The following NDUFAF2 variants were observed in gnomAD, a reference collection of about 807,000 sequenced individuals.
NDUFAF2 encodes the protein NADH dehydrogenase [ubiquinone] 1 alpha subcomplex assembly factor 2.
Under a neutral mutation model 22.8 loss-of-function variants are expected in NDUFAF2, and 13 were observed. The observed-to-expected ratio is 0.57, with a 90% confidence interval of 0.37 to 0.91. The LOEUF is 0.91. Ranked by LOEUF, NDUFAF2 falls within the 40% of genes least tolerant of loss-of-function variation. The pLI is 0.01. For missense variants in NDUFAF2, 162 were observed against 195.2 expected (o/e 0.83, Z 1.01); for synonymous variants, 53 against 64.2 (o/e 0.83, Z 0.84).
chr5:61,062,369 T>G (rs570138777), intron 1 of NDUFAF2, among the ~76,000 whole-genome samples: 2 of 152,102 alleles, frequency 1.3e-5, no homozygotes, highest in South Asian at 4.1e-4. Context: ...ATCATAAAAA[T>G]GAACAAAACA....
intron 1 of NDUFAF2, among the ~76,000 whole-genome samples, chr5:61,061,347 T>C (rs1442681056): frequency 1.3e-5 from 2 of 152,122 alleles, no homozygotes; most frequent in East Asian, 3.9e-4. Flanking sequence ...CTTTTATCGC[T>C]CCAATTTTTA....
intron 3 of NDUFAF2, among the ~76,000 whole-genome samples, chr5:61,149,046 C>T (rs1305725481): frequency 6.6e-6 from 1 of 152,192 alleles, no homozygotes; most frequent in African/African-American, 2.4e-5. Context: ...TCTCAGCTCA[C>T]TGCAACCTCC....
intron 1 of NDUFAF2, among the ~76,000 whole-genome samples, chr5:61,052,392 G>T (rs1196596478): frequency 6.6e-6 from 1 of 152,092 alleles, no homozygotes; most frequent in Non-Finnish European, 1.5e-5. Context: ...CTTACTGCAA[G>T]CTCCGCCTCC....
intron 3 of NDUFAF2, among the ~76,000 whole-genome samples, chr5:61,151,884 A>G (rs771655952): frequency 6.6e-6 from 1 of 152,220 alleles, no homozygotes; most frequent in Non-Finnish European, 1.5e-5. Context: ...ACTGTATTGC[A>G]TTTATTTTTA....
intron 1 of NDUFAF2, among the ~76,000 whole-genome samples, chr5:60,969,464 C>T (rs1045163515): frequency 7.2e-5 from 11 of 151,954 alleles, no homozygotes; most frequent in East Asian, 1.9e-4. Context: ...TGATGATGAA[C>T]GATGTTGTGC....
intron 2 of NDUFAF2, among the ~76,000 whole-genome samples, chr5:61,081,447 CA>C (rs950659167): frequency 6.6e-6 from 1 of 152,046 alleles, no homozygotes; most frequent in African/African-American, 2.4e-5. Context: ...AGGGATACAA[CA>C]AAAAAGTGTC....
intron 1 of NDUFAF2, among the ~76,000 whole-genome samples, chr5:61,057,989 A>G (rs530500897): frequency 6.6e-6 from 1 of 152,272 alleles, no homozygotes; most frequent in South Asian, 2.1e-4. Flanking sequence ...ACAAAATGCA[A>G]TCTGTTTATT....
intron 1 of NDUFAF2, among the ~76,000 whole-genome samples, chr5:61,000,333 G>A (rs1751280428): frequency 6.6e-6 from 1 of 152,084 alleles, no homozygotes. Flanking sequence ...TTTACACTTA[G>A]AGAGGTAAAA....
At position 61,141,159 on chromosome 5, in the gene NDUFAF2, G is replaced by A. The variant is rs536876626; in HGVS notation, c.259-11545G>A. Among the ~76,000 whole-genome samples, 18 of 151,844 alleles carry A rather than the reference G, an allele frequency of 1.2e-4. No homozygotes were observed. In the South Asian group the frequency reaches 1.9e-3, roughly 16 times the overall value. On this transcript the variant is annotated intron_variant, in intron 3 of 3. Coordinates refer to ENST00000296597, the MANE Select transcript of NDUFAF2 (RefSeq NM_174889.5). Reference sequence around the variant, plus strand: ...GGAGAATCACTTGAACCTGGGAGGCGGAGGTTAAAGTGAGCCAAGATCACA... The same window carrying A: ...GGAGAATCACTTGAACCTGGGAGGCAGAGGTTAAAGTGAGCCAAGATCACA...
At chr5:61,101,587 C>A (rs1752706185) in intron 3 of NDUFAF2, among the ~76,000 whole-genome samples, 1 of 152,056 alleles carries the variant, frequency 6.6e-6, no homozygotes, top group African/African-American at 2.4e-5. Context: ...TGTTTTCCTT[C>A]CAAGTTGACA....
chr5:61,130,240 A>G (rs898587536), intron 3 of NDUFAF2, among the ~76,000 whole-genome samples: 7 of 152,154 alleles, frequency 4.6e-5, no homozygotes, highest in Non-Finnish European at 1.5e-5. Flanking sequence ...ACTTTCCTTG[A>G]AATGAGTTAT....
At chr5:61,129,435 A>T (rs1435560598) in intron 3 of NDUFAF2, among the ~76,000 whole-genome samples, 1 of 152,198 alleles carries the variant, frequency 6.6e-6, no homozygotes, top group Non-Finnish European at 1.5e-5. Context: ...AATGTGGCAC[A>T]TATACACCAT....
Position 61,107,665 on chromosome 5 carries a change from CTATTAT to C in NDUFAF2, c.258+8646_258+8651del, listed in dbSNP as rs56936586. Reference sequence around the variant, plus strand: ...ATTTCTCTTTTTTTAATTATGATTACTATTATTATTATTATTATACTTTAAGTTTTA... The same window carrying C: ...ATTTCTCTTTTTTTAATTATGATTACTATTATTATTATACTTTAAGTTTTA... On this transcript the variant is annotated intron_variant, in intron 3 of 3. Transcript: ENST00000296597. Among the ~76,000 whole-genome samples, 115 of 148,836 alleles carry C rather than the reference CTATTAT, an allele frequency of 7.7e-4. 3 individuals are homozygous for C. Among genetic ancestry groups the C allele is most frequent in the African/African-American group, 1.5e-3 (59 of 39,976 alleles).
intron 1 of NDUFAF2, among the ~76,000 whole-genome samples, chr5:61,048,490 T>G (rs1751983165): frequency 6.6e-6 from 1 of 152,210 alleles, no homozygotes; most frequent in Middle Eastern, 3.4e-3. Context: ...GAATGAGACA[T>G]TAGAGTTATG....
intron 3 of NDUFAF2, among the ~76,000 whole-genome samples, chr5:61,148,518 T>G (rs1741173804): frequency 6.6e-6 from 1 of 152,252 alleles, no homozygotes; most frequent in African/African-American, 2.4e-5. Flanking sequence ...AAGATATATT[T>G]GTACCTTCTG....
intron 1 of NDUFAF2, among the ~76,000 whole-genome samples, chr5:60,946,108 G>T (rs1750448703): frequency 6.6e-6 from 1 of 152,140 alleles, no homozygotes; most frequent in African/African-American, 2.4e-5. Context: ...TGTTTGGGGA[G>T]TAAGGAGGCG....
rs533588474 is a variant in NDUFAF2, at chr5:60,977,342, T to A, written c.127+31960T>A. ...TACTCTGGAGGCTGGGGTGTTGGGA[T>A]TGTTTGAGCCCAGGAGTTCGAGATT... On this transcript the variant is annotated intron_variant, in intron 1 of 3. Coordinates refer to ENST00000296597, the MANE Select transcript of NDUFAF2 (RefSeq NM_174889.5). Among the ~76,000 whole-genome samples, 6 of 152,032 alleles carry A rather than the reference T, an allele frequency of 3.9e-5. No homozygotes were observed. In the South Asian group the frequency reaches 1.2e-3, roughly 32 times the overall value.
intron 1 of NDUFAF2, among the ~76,000 whole-genome samples, chr5:61,016,193 AT>A (rs979008236): frequency 3.0e-5 from 3 of 101,452 alleles, no homozygotes; most frequent in African/African-American, 8.5e-5. Flanking sequence ...TAAAAAAAAA[AT>A]ATATATATAC....
intron 3 of NDUFAF2, among the ~76,000 whole-genome samples, chr5:61,141,556 C>T (rs1339047876): frequency 6.6e-6 from 1 of 152,110 alleles, no homozygotes; most frequent in Non-Finnish European, 1.5e-5. Context: ...CCTATGGTAC[C>T]TCCTTTGACC....
Sources: allele counts gnomAD v4.1 joint callset (sites outside exome capture counted in the v4.1 genomes callset), GRCh38; gene constraint gnomAD v4.1.1; transcripts MANE v1.5; gene names NCBI Gene and HGNC (gene_info 2026-07-23, HGNC 2026-07-21).